NBEA: variants seen among roughly 807,000 people sequenced by gnomAD.
NBEA encodes neurobeachin, also known as lysosomal-trafficking regulator 2.
Under a neutral mutation model 343.4 loss-of-function variants are expected in NBEA, and 44 were observed. The observed-to-expected ratio is 0.13, with a 90% CI of 0.10 to 0.16. NBEA has a LOEUF of 0.16. Ranked by LOEUF, NBEA falls within the 10% of genes least tolerant of loss-of-function variation. The pLI, the probability that NBEA is intolerant of heterozygous loss-of-function variation, is 1.00. For missense variants in NBEA, 2,555 were observed against 3,631.3 expected (o/e 0.70, Z 7.62); for synonymous variants, 1,175 against 1,238.7 (o/e 0.95, Z 1.08).
At chr13:35,061,908 G>C (rs2063481091) in intron 8 of NBEA, among the ~76,000 whole-genome samples, 1 of 151,604 alleles carries the variant, frequency 6.6e-6, no homozygotes, top group Non-Finnish European at 1.5e-5. Flanking sequence ...TGCATGGACT[G>C]ATATCCTTAT....
intron 31 of NBEA, among the ~76,000 whole-genome samples, chr13:35,197,316 A>G (rs1180395690): frequency 2.0e-5 from 3 of 152,160 alleles, no homozygotes; most frequent in Non-Finnish European, 4.4e-5. Context: ...TTGACAAGCA[A>G]GTGTTTTTTT....
chr13:35,622,457 A>G lies in NBEA; in HGVS notation c.7450-5624A>G, dbSNP rs116244710. On this transcript the variant is annotated intron_variant, in intron 48 of 58. Coordinates refer to ENST00000379939, the MANE Select transcript of NBEA (RefSeq NM_001385012.1). Reference sequence around the variant, plus strand: ...AGTTTGAAGTATGTTGTAGTAACCCATGTGGAGAGCTGTGAGGGTTAGAAA... The same window carrying G: ...AGTTTGAAGTATGTTGTAGTAACCCGTGTGGAGAGCTGTGAGGGTTAGAAA... 3.7e-3 allele frequency among the ~76,000 whole-genome samples: 563 copies of G among 152,318 alleles called. 1 individual carries two copies. Among genetic ancestry groups the G allele is most frequent in the African/African-American group, 0.013 (533 of 41,574 alleles).
intron 30 of NBEA, among the ~76,000 whole-genome samples, chr13:35,192,119 G>A (rs41339148): frequency 0.044 from 6,731 of 152,082 alleles, 172 homozygotes; most frequent in South Asian, 0.079. Context: ...AAACTGATAA[G>A]AGCTATTGAA....
chr13:35,591,057 A>G (rs1173088497), intron 46 of NBEA, among the ~76,000 whole-genome samples: 2 of 152,102 alleles, frequency 1.3e-5, no homozygotes, highest in East Asian at 3.9e-4. Flanking sequence ...AGTCATTTTC[A>G]TAACTCTGTG....
intron 41 of NBEA, among the ~76,000 whole-genome samples, chr13:35,511,239 C>T (rs1233902906): frequency 6.6e-6 from 1 of 152,118 alleles, no homozygotes. Flanking sequence ...CAATATAGCA[C>T]AGGAAGCATT....
At chr13:35,447,631 A>G (rs1429983035) in intron 39 of NBEA, among the ~76,000 whole-genome samples, 2 of 152,026 alleles carry the variant, frequency 1.3e-5, no homozygotes, top group Non-Finnish European at 2.9e-5. Context: ...TTTCTCCTGA[A>G]ACTTTTAAAT....
chr13:35,301,951 C>G (rs1445609613), intron 35 of NBEA, among the ~76,000 whole-genome samples: 1 of 152,148 alleles, frequency 6.6e-6, no homozygotes, highest in African/African-American at 2.4e-5. Flanking sequence ...ATAGCTGATA[C>G]AAACTTATCT....
chr13:35,597,212 A>G (rs74782856), intron 47 of NBEA, among the ~76,000 whole-genome samples: 2,089 of 152,282 alleles, frequency 0.014, 58 homozygotes, highest in African/African-American at 0.048. Context: ...GACAGAATGT[A>G]TATAATACTA....
At chr13:35,341,574 T>A (rs931224000) in intron 36 of NBEA, among the ~76,000 whole-genome samples, 2 of 151,994 alleles carry the variant, frequency 1.3e-5, no homozygotes, top group African/African-American at 4.8e-5. Context: ...AATTTAAAAA[T>A]GAATAGAAGA....
At chr13:35,526,997 C>T (rs931320026) in intron 41 of NBEA, among the ~76,000 whole-genome samples, 2 of 152,170 alleles carry the variant, frequency 1.3e-5, no homozygotes, top group South Asian at 4.2e-4. Flanking sequence ...TAGGTCTGGG[C>T]TCCCTGAAGG....
intron 38 of NBEA, among the ~76,000 whole-genome samples, chr13:35,406,982 C>CA (rs1027564490): frequency 1.4e-5 from 2 of 138,302 alleles, no homozygotes; most frequent in African/African-American, 5.5e-5. Flanking sequence ...TTTTTTTAGA[C>CA]AGAGTCTCAC....
intron 31 of NBEA, among the ~76,000 whole-genome samples, chr13:35,196,680 C>T (rs2072628336): frequency 6.6e-6 from 1 of 151,902 alleles, no homozygotes; most frequent in South Asian, 2.1e-4. Context: ...TCTGAAATTC[C>T]ATTATAATAT....
At chr13:34,978,739 ACTT>A (rs374190163) in intron 1 of NBEA, among the ~76,000 whole-genome samples, 2 of 151,970 alleles carry the variant, frequency 1.3e-5, no homozygotes, top group African/African-American at 4.8e-5. Context: ...TTTGAGTAAA[ACTT>A]CTTTTATTTA....
intron 11 of NBEA, among the ~76,000 whole-genome samples, chr13:35,106,355 ATCT>A (rs1319373810): frequency 6.6e-6 from 1 of 152,004 alleles, no homozygotes; most frequent in Admixed American, 6.6e-5. Context: ...AGAGTCAGAG[ATCT>A]TCTTTCTTCT....
chr13:35,587,192 G>T (rs12430040), intron 46 of NBEA, among the ~76,000 whole-genome samples: 16,163 of 151,964 alleles, frequency 0.11, 1,056 homozygotes, highest in African/African-American at 0.18. Context: ...GAAAAAAAAA[G>T]TCACTGGAGT....
At chr13:35,533,475 C>G (rs1288570578) in intron 41 of NBEA, among the ~76,000 whole-genome samples, 1 of 152,072 alleles carries the variant, frequency 6.6e-6, no homozygotes, top group Non-Finnish European at 1.5e-5. Context: ...TGCTCCCAAC[C>G]TAAGTTAATT....
chr13:35,399,343 C>CAA (rs1211965763), intron 38 of NBEA, among the ~76,000 whole-genome samples: 7 of 152,232 alleles, frequency 4.6e-5, no homozygotes, highest in African/African-American at 1.7e-4. Context: ...TTAATTGACT[C>CAA]ACAGTTTGCA....
intron 49 of NBEA, among the ~76,000 whole-genome samples, chr13:35,636,565 A>T (rs554051244): frequency 5.9e-5 from 9 of 152,312 alleles, no homozygotes; most frequent in African/African-American, 2.2e-4. Flanking sequence ...TAGTGAACTT[A>T]TAAAGGCCAC....
chr13:35,120,059 C>T (rs944343624), intron 16 of NBEA, among the ~76,000 whole-genome samples: 1 of 152,082 alleles, frequency 6.6e-6, no homozygotes. Context: ...TTAGATTTTG[C>T]TTTGTTTATT....
Sources: allele counts gnomAD v4.1 joint callset (sites outside exome capture counted in the v4.1 genomes callset), GRCh38; gene constraint gnomAD v4.1.1; transcripts MANE v1.5; gene names NCBI Gene and HGNC (gene_info 2026-07-23, HGNC 2026-07-21).